LINGO2: variants seen among roughly 807,000 people sequenced by gnomAD.
LINGO2 encodes the protein leucine rich repeat and Ig domain containing 2.
A neutral mutation model predicts 30.6 loss-of-function variants in LINGO2; 14 were observed. That is an observed-to-expected ratio of 0.46 (90% confidence interval 0.30 to 0.72). LINGO2 has a LOEUF of 0.72. Ranked by LOEUF, LINGO2 falls within the 30% of genes least tolerant of loss-of-function variation. The pLI, the probability that LINGO2 is intolerant of heterozygous loss-of-function variation, is 0.07. For synonymous variants in LINGO2, 317 were observed against 288.5 expected (o/e 1.10, Z -1.00); for missense variants, 729 against 751.7 (o/e 0.97, Z 0.35).
In LINGO2 at chr9:28,338,422, T is replaced by C. The variant is rs184448076; in HGVS notation, c.-246+34414A>G. On this transcript the variant is annotated intron_variant, in intron 3 of 5. Coordinates refer to ENST00000379992, the Ensembl canonical transcript of LINGO2. ...CTCAGATGAGACTTTGGGTTTGGAC[T>C]TTTGAGTTAATGCTGGAATGAGTTA... Among the ~76,000 whole-genome samples, 475 of 152,296 alleles carry C rather than the reference T, an allele frequency of 3.1e-3. 1 individual carries two copies. The highest frequency in any genetic ancestry group is 4.5e-3 in the Non-Finnish European group (304 of 68,006).
chr9:28,088,562 C>G (rs139062287), intron 4 of LINGO2, among the ~76,000 whole-genome samples: 1 of 151,956 alleles, frequency 6.6e-6, no homozygotes, highest in Non-Finnish European at 1.5e-5. Context: ...CCTCTGGGTA[C>G]TGACAGAAAC....
the LINGO2 span, among the ~76,000 whole-genome samples, chr9:28,707,533 C>T: frequency 6.6e-6 from 1 of 152,194 alleles, no homozygotes; most frequent in East Asian, 1.9e-4. Flanking sequence ...TGAAATAAAC[C>T]TCAAGGAGCA....
At chr9:28,098,662 T>TAA (rs1412336570) in intron 4 of LINGO2, among the ~76,000 whole-genome samples, 1 of 152,172 alleles carries the variant, frequency 6.6e-6, no homozygotes, top group Non-Finnish European at 1.5e-5. Context: ...ATGTGAATTA[T>TAA]AAGAGTCAAG....
the LINGO2 span, among the ~76,000 whole-genome samples, chr9:29,170,894 G>A: frequency 3.9e-5 from 6 of 152,232 alleles, no homozygotes; most frequent in South Asian, 6.2e-4. Context: ...TTAACATGAT[G>A]TGCTGGTTTG....
the LINGO2 span, among the ~76,000 whole-genome samples, chr9:29,075,179 A>G: frequency 1.3e-5 from 2 of 152,168 alleles, no homozygotes; most frequent in African/African-American, 4.8e-5. Context: ...TATTCTACTC[A>G]TTATATTCAA....
intron 4 of LINGO2, among the ~76,000 whole-genome samples, chr9:28,073,741 G>A (rs1825546887): frequency 6.6e-6 from 1 of 152,114 alleles, no homozygotes. Context: ...AGAACATTTT[G>A]AAGGGGCCAG....
chr9:28,700,866 T>G, the LINGO2 span, among the ~76,000 whole-genome samples: 11 of 152,084 alleles, frequency 7.2e-5, no homozygotes, highest in Non-Finnish European at 5.9e-5. Flanking sequence ...TAGTGGTAAC[T>G]CCTTGTTGTT....
At chr9:28,576,449 A>G (rs1375079913) in intron 1 of LINGO2, among the ~76,000 whole-genome samples, 6 of 152,192 alleles carry the variant, frequency 3.9e-5, no homozygotes, top group African/African-American at 1.4e-4. Context: ...CATAAATACT[A>G]ATTTACAAGT....
chr9:28,069,223 T>C (rs1825401827), intron 4 of LINGO2, among the ~76,000 whole-genome samples: 1 of 152,072 alleles, frequency 6.6e-6, no homozygotes, highest in African/African-American at 2.4e-5. Flanking sequence ...AGATTAAGGG[T>C]TCGATAGGCT....
chr9:28,259,610 AAG>A (rs1167379228), intron 4 of LINGO2, among the ~76,000 whole-genome samples: 2 of 151,768 alleles, frequency 1.3e-5, no homozygotes, highest in Middle Eastern at 3.4e-3. Flanking sequence ...GAGAATGAGC[AAG>A]AGAGAGAGAG....
chr9:28,347,750 T>C (rs1300979994), intron 3 of LINGO2, among the ~76,000 whole-genome samples: 1 of 152,178 alleles, frequency 6.6e-6, no homozygotes, highest in Non-Finnish European at 1.5e-5. Context: ...ATTATTTTAT[T>C]AAAGGTGTGC....
chr9:28,699,173 G>A, the LINGO2 span, among the ~76,000 whole-genome samples: 1 of 151,968 alleles, frequency 6.6e-6, no homozygotes, highest in African/African-American at 2.4e-5. Flanking sequence ...TTAACTCTTA[G>A]TGTTACATTT....
At chr9:28,622,034 T>G (rs1168604942) in intron 1 of LINGO2, among the ~76,000 whole-genome samples, 1 of 152,072 alleles carries the variant, frequency 6.6e-6, no homozygotes, top group African/African-American at 2.4e-5. Flanking sequence ...TTTTAATTTT[T>G]GTCGGTACTT....
At chr9:28,246,618 A>G (rs567699960) in intron 4 of LINGO2, among the ~76,000 whole-genome samples, 1 of 152,148 alleles carries the variant, frequency 6.6e-6, no homozygotes, top group African/African-American at 2.4e-5. Flanking sequence ...TGGATTAAAG[A>G]CTTAAATATA....
chr9:29,061,631 G>A, the LINGO2 span, among the ~76,000 whole-genome samples: 3 of 151,900 alleles, frequency 2.0e-5, no homozygotes, highest in South Asian at 2.1e-4. Flanking sequence ...TTATCCACAC[G>A]CAAAAGAATA....
the LINGO2 span, among the ~76,000 whole-genome samples, chr9:28,861,199 T>G: frequency 1.8e-5 from 2 of 110,436 alleles, no homozygotes; most frequent in Non-Finnish European, 3.4e-5. Flanking sequence ...ATTTTATATA[T>G]TATATATTTT....
intron 4 of LINGO2, among the ~76,000 whole-genome samples, chr9:28,183,078 C>T (rs538295277): frequency 2.0e-5 from 3 of 152,198 alleles, no homozygotes; most frequent in South Asian, 2.1e-4. Flanking sequence ...TAATGATAGA[C>T]TGGATAAAGA....
intron 3 of LINGO2, among the ~76,000 whole-genome samples, chr9:28,343,823 G>C (rs1237356184): frequency 6.6e-6 from 1 of 152,064 alleles, no homozygotes; most frequent in Non-Finnish European, 1.5e-5. Flanking sequence ...GGAAATCATG[G>C]AGATGCCTAA....
the LINGO2 span, among the ~76,000 whole-genome samples, chr9:29,073,043 C>A: frequency 4.9e-4 from 75 of 151,518 alleles, no homozygotes; most frequent in African/African-American, 1.8e-3. Flanking sequence ...TAGAACCCCC[C>A]TCCAACCCCA....
Sources: gnomAD v4.1 joint callset for allele counts (sites outside exome capture counted in the v4.1 genomes callset) on GRCh38, gnomAD v4.1.1 for gene constraint, MANE v1.5 for transcripts, NCBI Gene and HGNC (gene_info 2026-07-23, HGNC 2026-07-21) for gene names.